The following ZNF704 variants were observed in gnomAD, a reference collection of about 807,000 sequenced individuals.
ZNF704 encodes the protein zinc finger protein 704.
In ZNF704, 10 loss-of-function variants were observed where a neutral mutation model predicts 44.7. The ratio of observed to expected loss-of-function variants is 0.22; its 90% confidence interval spans 0.14 to 0.38. The LOEUF is 0.38. Ranked by LOEUF, ZNF704 falls within the 10% of genes least tolerant of loss-of-function variation. The pLI, the probability that ZNF704 is intolerant of heterozygous loss-of-function variation, is 1.00. For missense variants in ZNF704, 390 were observed against 545.5 expected, an observed-to-expected ratio of 0.71 and a Z score of 2.84; for synonymous variants, 211 against 207.6, an observed-to-expected ratio of 1.02 and a Z score of -0.14.
intron 1 of ZNF704, among the ~76,000 whole-genome samples, chr8:80,832,359 GGAA>G (rs1563569789): frequency 6.6e-6 from 1 of 152,166 alleles, no homozygotes; most frequent in African/African-American, 2.4e-5. Flanking sequence ...GGTTTCCACA[GGAA>G]GATCATAACG....
At chr8:80,650,826 A>G (rs1286946057) in intron 7 of ZNF704, among the ~76,000 whole-genome samples, 1 of 152,200 alleles carries the variant, frequency 6.6e-6, no homozygotes, top group African/African-American at 2.4e-5. Flanking sequence ...TGCCACAAAG[A>G]TACTCCTTGA....
At chr8:80,756,054 A>G (rs1417197703) in intron 2 of ZNF704, among the ~76,000 whole-genome samples, 1 of 152,020 alleles carries the variant, frequency 6.6e-6, no homozygotes, top group African/African-American at 2.4e-5. Context: ...GGCTGCAGTG[A>G]GAAGTGATCA....
chr8:80,741,791 T>C (rs944369712), intron 2 of ZNF704, among the ~76,000 whole-genome samples: 1 of 152,170 alleles, frequency 6.6e-6, no homozygotes, highest in African/African-American at 2.4e-5. Flanking sequence ...CCTCAACTTG[T>C]ATACTGATGG....
chr8:80,658,208 T>C (rs1447670774), intron 7 of ZNF704, among the ~76,000 whole-genome samples: 1 of 152,178 alleles, frequency 6.6e-6, no homozygotes, highest in Admixed American at 6.5e-5. Flanking sequence ...ATGAGCAACA[T>C]GGTGTATGCT....
intron 7 of ZNF704, among the ~76,000 whole-genome samples, chr8:80,657,494 A>T (rs1028607419): frequency 6.6e-6 from 1 of 152,130 alleles, no homozygotes; most frequent in Non-Finnish European, 1.5e-5. Context: ...GGAGTTCAAG[A>T]CCAGCCTGGG....
intron 2 of ZNF704, among the ~76,000 whole-genome samples, chr8:80,799,300 T>C (rs1807860017): frequency 6.6e-6 from 1 of 152,256 alleles, no homozygotes; most frequent in Admixed American, 6.5e-5. Context: ...TATGCTGAAG[T>C]ATTAAGTCAT....
In ZNF704 at chr8:80,874,562, T is replaced by C. The variant is rs1809331580; in HGVS notation, c.-22+9A>G. On this transcript the variant is annotated intron_variant, in intron 1 of 8. Transcript: ENST00000327835. This position sits in a 1 kb window ranked among gnomAD's most constrained non-coding sequence, Gnocchi z 4.4. ...ACAAAACCCGGACTGGATTTTTTTTTTCTCTTACCCACAGTCTCCGAAAGT... is the reference window on the plus strand; with the variant it reads ...ACAAAACCCGGACTGGATTTTTTTTCTCTCTTACCCACAGTCTCCGAAAGT... The C allele has an allele frequency of 1.3e-5, 2 of 152,090 alleles. No individual in the cohort carries two copies. Among genetic ancestry groups the C allele is most frequent in the South Asian group, 2.1e-4 (1 of 4,818 alleles). 9.4% of individuals were successfully genotyped at this position (152,090 alleles called of 1,614,324 possible). A position where few individuals can be genotyped will look rare whatever the true frequency, so the allele number is the denominator to read the frequency against.
chr8:80,781,366 G>A (rs1488521244), intron 2 of ZNF704, among the ~76,000 whole-genome samples: 1 of 152,188 alleles, frequency 6.6e-6, no homozygotes, highest in Non-Finnish European at 1.5e-5. Context: ...AGCAGCCAAT[G>A]ACAATACATA....
chr8:80,700,011 T>C (rs1173342866), intron 2 of ZNF704, among the ~76,000 whole-genome samples: 1 of 152,112 alleles, frequency 6.6e-6, no homozygotes, highest in Non-Finnish European at 1.5e-5. Flanking sequence ...TTCATCTGCC[T>C]CCCTTAGGAG....
Position 80,739,239 on chromosome 8 carries a change from A to G in ZNF704, c.222-46132T>C, listed in dbSNP as rs533190739. 1.9e-3 allele frequency among the ~76,000 whole-genome samples: 287 copies of G among 152,308 alleles called. 1 individual carries two copies. The highest frequency in any genetic ancestry group is 3.1e-3 in the Non-Finnish European group (214 of 68,026). On this transcript the variant is annotated intron_variant, in intron 2 of 8. Coordinates refer to ENST00000327835, the MANE Select transcript of ZNF704 (RefSeq NM_001033723.3). ...AAGCCCGGATCCCAGGAGAACCACG[A>G]TAGTCTTTCGAGCAATCTCTTCTTA...
At chr8:80,700,062 T>C (rs7017219) in intron 2 of ZNF704, among the ~76,000 whole-genome samples, 11,784 of 152,298 alleles carry the variant, frequency 0.077, 1,546 homozygotes, top group African/African-American at 0.27. Context: ...CCTGGTTCTT[T>C]GAGGCACAGG....
chr8:80,691,520 T>C (rs1300125588), intron 3 of ZNF704, among the ~76,000 whole-genome samples: 1 of 152,188 alleles, frequency 6.6e-6, no homozygotes. Context: ...TCTGGTCACC[T>C]CAGGGTCTTC....
chr8:80,868,542 G>A (rs1319996955), intron 1 of ZNF704, among the ~76,000 whole-genome samples: 1 of 152,192 alleles, frequency 6.6e-6, no homozygotes, highest in Non-Finnish European at 1.5e-5. Context: ...CCACATACTG[G>A]AGTGTGATAT....
intron 4 of ZNF704, among the ~76,000 whole-genome samples, chr8:80,680,004 G>A (rs2131624352): frequency 6.6e-6 from 1 of 152,254 alleles, no homozygotes; most frequent in Admixed American, 6.5e-5. Context: ...CTTTGGCCAA[G>A]GTGTCCCTGA....
intron 2 of ZNF704, among the ~76,000 whole-genome samples, chr8:80,784,216 T>C (rs1365377004): frequency 2.0e-5 from 3 of 152,220 alleles, no homozygotes; most frequent in Admixed American, 1.3e-4. Flanking sequence ...TTAATAAAGC[T>C]GCTATAAAGA....
intron 1 of ZNF704, among the ~76,000 whole-genome samples, chr8:80,863,943 G>A (rs1563581442): frequency 6.6e-6 from 1 of 151,838 alleles, no homozygotes; most frequent in African/African-American, 2.4e-5. Flanking sequence ...TTCTCCCTTG[G>A]CACTTTTAAA....
intron 2 of ZNF704, among the ~76,000 whole-genome samples, chr8:80,784,285 G>A (rs1807580107): frequency 6.6e-6 from 1 of 152,196 alleles, no homozygotes; most frequent in Non-Finnish European, 1.5e-5. Flanking sequence ...AAACACCAAG[G>A]AGTGTGATTA....
At chr8:80,785,459 GA>G (rs1403113289) in intron 2 of ZNF704, among the ~76,000 whole-genome samples, 2 of 152,152 alleles carry the variant, frequency 1.3e-5, no homozygotes, top group Non-Finnish European at 2.9e-5. Flanking sequence ...CTTGAGGTGG[GA>G]GTATCGACAA....
chr8:80,690,814 GC>G (rs1246143938), intron 3 of ZNF704, among the ~76,000 whole-genome samples: 2 of 152,162 alleles, frequency 1.3e-5, no homozygotes, highest in South Asian at 2.1e-4. Context: ...TTCGGGACCA[GC>G]CTGACCAACA....
Sources: gnomAD v4.1 joint callset for allele counts (sites outside exome capture counted in the v4.1 genomes callset) on GRCh38, gnomAD v4.1.1 for gene constraint, Gnocchi (gnomAD v3.1) non-coding constraint, MANE v1.5 for transcripts, NCBI Gene and HGNC (gene_info 2026-07-23, HGNC 2026-07-21) for gene names.